Variants in SORCS3 observed in about 807,000 individuals in gnomAD.
SORCS3 encodes VPS10 domain-containing receptor SorCS3.
SORCS3 carries 57 observed loss-of-function variants against 146.3 expected under a neutral mutation model. The ratio of observed to expected loss-of-function variants is 0.39; its 90% CI spans 0.31 to 0.49. The LOEUF (loss-of-function observed/expected upper bound fraction) is 0.49. SORCS3 is among the 20% of genes least tolerant of loss of function. The probability of loss-of-function intolerance (pLI) is 0.92; values close to 1 mark genes in which losing one functional copy is unlikely to be tolerated. For synonymous variants in SORCS3, 653 were observed against 618.5 expected, an observed-to-expected ratio of 1.06 and a Z score of -0.83; for missense variants, 1,341 against 1,575.5, an observed-to-expected ratio of 0.85 and a Z score of 2.52.
At chr10:104,858,843 G>C (rs1004854614) in intron 2 of SORCS3, among the ~76,000 whole-genome samples, 1 of 150,404 alleles carries the variant, frequency 6.6e-6, no homozygotes, top group Non-Finnish European at 1.5e-5. Context: ...GGATGGTCTT[G>C]ATCTCCTGAC....
intron 3 of SORCS3, among the ~76,000 whole-genome samples, chr10:104,974,639 CTCTT>C (rs746854911): frequency 7.2e-5 from 11 of 152,146 alleles, no homozygotes; most frequent in Non-Finnish European, 1.5e-4. Context: ...TGGGTCTTGA[CTCTT>C]TATCCAATTT....
intron 1 of SORCS3, among the ~76,000 whole-genome samples, chr10:104,770,608 C>T (rs947384535): frequency 2.0e-5 from 3 of 151,838 alleles, no homozygotes; most frequent in Non-Finnish European, 4.4e-5. Context: ...TTGCTTGAGC[C>T]CAGGAGTTCA....
chr10:104,748,888 C>T (rs116177981), intron 1 of SORCS3, among the ~76,000 whole-genome samples: 17 of 152,180 alleles, frequency 1.1e-4, no homozygotes, highest in East Asian at 3.9e-4. Flanking sequence ...ATTCTCCTTC[C>T]GGGTCTCTAC....
intron 5 of SORCS3, among the ~76,000 whole-genome samples, chr10:105,084,343 T>C (rs703470): frequency 0.94 from 142,952 of 152,280 alleles, 67,216 homozygotes; most frequent in East Asian, 1. Flanking sequence ...TAGCATTTAT[T>C]ACCATTATTA....
At chr10:105,253,058 T>C in intron 23 of SORCS3, 152 bp downstream of exon 23, 1 of 810,230 alleles carries the variant, frequency 1.2e-6, no homozygotes. Flanking sequence ...CCAGAGTAAA[T>C]ACAGGTGCAA....
chr10:105,218,691 T>A (rs1027606725), intron 19 of SORCS3, among the ~76,000 whole-genome samples: 1 of 152,250 alleles, frequency 6.6e-6, no homozygotes, highest in African/African-American at 2.4e-5. Context: ...TATTGGTCAA[T>A]GTTCTTAGCC....
At position 105,153,645 on chromosome 10, in the gene SORCS3, ATGTG is replaced by A. The variant is rs372134420; in HGVS notation, c.1483-3467_1483-3464del. ...GGAGAGAGAGAGAGAGTGTGTGTGTATGTGTGTGTGTGTGTGTGTGTGTGTGTGT... is the reference window on the plus strand; with the variant it reads ...GGAGAGAGAGAGAGAGTGTGTGTGTATGTGTGTGTGTGTGTGTGTGTGTGT... On this transcript the variant is annotated intron_variant, in intron 9 of 26. Coordinates refer to ENST00000369701, the MANE Select transcript of SORCS3 (RefSeq NM_014978.3). Among the ~76,000 whole-genome samples, 418 of 146,168 alleles carry A rather than the reference ATGTG, an allele frequency of 2.9e-3. 1 individual carries two copies. The highest frequency in any genetic ancestry group is 9.0e-3 in the African/African-American group (358 of 39,764).
At position 105,089,855 on chromosome 10, in the gene SORCS3, G is replaced by A; in HGVS notation, c.1093+16G>A. The A allele has an allele frequency of 6.2e-7, 1 of 1,608,514 alleles. No homozygotes were observed. Among genetic ancestry groups the A allele is most frequent in the Non-Finnish European group, 8.5e-7 (1 of 1,174,976 alleles). On this transcript the variant is annotated intron_variant, in intron 6 of 26. Coordinates refer to ENST00000369701, the MANE Select transcript of SORCS3 (RefSeq NM_014978.3). ...ACGGATGGATGTGAGTTCTGCTACA[G>A]CCAGGCTAGGCCCAGGGAGATCTGC...
intron 3 of SORCS3, among the ~76,000 whole-genome samples, chr10:104,929,864 A>G (rs1211449874): frequency 6.6e-6 from 1 of 152,178 alleles, no homozygotes; most frequent in Non-Finnish European, 1.5e-5. Context: ...ATAAGTACCT[A>G]TTTTTTTCAG....
chr10:104,891,893 A>C (rs1233541091), intron 2 of SORCS3, among the ~76,000 whole-genome samples: 1 of 152,194 alleles, frequency 6.6e-6, no homozygotes, highest in Non-Finnish European at 1.5e-5. Context: ...TCCGAAGGTA[A>C]TGAATTGGCT....
intron 4 of SORCS3, among the ~76,000 whole-genome samples, chr10:104,984,278 A>C (rs2054949410): frequency 6.6e-6 from 1 of 152,208 alleles, no homozygotes; most frequent in Non-Finnish European, 1.5e-5. Flanking sequence ...CCAGTTAATC[A>C]AGAAAATTCA....
intron 3 of SORCS3, among the ~76,000 whole-genome samples, chr10:104,929,341 C>A (rs905332036): frequency 2.6e-5 from 4 of 152,220 alleles, no homozygotes; most frequent in African/African-American, 9.6e-5. Flanking sequence ...TGACACCTCC[C>A]AATTCCTAGG....
At chr10:104,923,169 A>G (rs2019104895) in intron 3 of SORCS3, among the ~76,000 whole-genome samples, 1 of 152,220 alleles carries the variant, frequency 6.6e-6, no homozygotes, top group Non-Finnish European at 1.5e-5. Context: ...CTTCCAGCTC[A>G]GGTCGTCTGG....
intron 17 of SORCS3, among the ~76,000 whole-genome samples, chr10:105,212,341 A>G (rs10884117): frequency 0.34 from 51,275 of 152,038 alleles, 8,784 homozygotes; most frequent in South Asian, 0.49. Flanking sequence ...AGGCATTCAA[A>G]TTGCAGATCC....
intron 3 of SORCS3, among the ~76,000 whole-genome samples, chr10:104,955,332 T>A (rs1589565049): frequency 6.6e-6 from 1 of 151,044 alleles, no homozygotes; most frequent in East Asian, 1.9e-4. Flanking sequence ...GTTTTTTTCA[T>A]ATTGTAGCAT....
intron 14 of SORCS3, among the ~76,000 whole-genome samples, chr10:105,196,726 C>T (rs1247723862): frequency 2.0e-5 from 3 of 152,190 alleles, no homozygotes; most frequent in African/African-American, 4.8e-5. Context: ...CTTAGGAATC[C>T]TAAGTCATGT....
chr10:105,126,734 A>G (rs1008300036), intron 7 of SORCS3, among the ~76,000 whole-genome samples: 2 of 152,090 alleles, frequency 1.3e-5, no homozygotes, highest in African/African-American at 4.8e-5. Flanking sequence ...TCCCTTACTT[A>G]GTTGTCCCCT....
intron 23 of SORCS3, 74 bp from the exon 24 acceptor site, chr10:105,255,628 C>T (rs1288247937): frequency 3.0e-6 from 3 of 985,368 alleles, no homozygotes; most frequent in African/African-American, 1.6e-5. Flanking sequence ...TTGACCTTGT[C>T]CTTGGTTTCT....
intron 2 of SORCS3, among the ~76,000 whole-genome samples, chr10:104,890,899 A>G (rs2018742977): frequency 6.6e-6 from 1 of 152,212 alleles, no homozygotes. Flanking sequence ...GTTGAGAACT[A>G]CTGATTTAGA....
Sources: gnomAD v4.1 joint callset for allele counts (sites outside exome capture counted in the v4.1 genomes callset) on GRCh38, gnomAD v4.1.1 for gene constraint, MANE v1.5 for transcripts, NCBI Gene and HGNC (gene_info 2026-07-23, HGNC 2026-07-21) for gene names.